GRK4: variants seen among roughly 807,000 people sequenced by gnomAD.
The protein encoded by GRK4 is G protein-coupled receptor kinase 4, also known as G protein-coupled receptor kinase 2-like.
In GRK4, 73 loss-of-function variants were observed where a neutral mutation model predicts 77.9. The observed-to-expected ratio is 0.94, with a 90% confidence interval of 0.78 to 1.14. GRK4 has a LOEUF of 1.14. Ranked by LOEUF, GRK4 falls within the 50% of genes most tolerant of loss-of-function variation. The pLI is 0.00. For synonymous variants in GRK4, 257 were observed against 254.4 expected (o/e 1.01, Z -0.10); for missense variants, 729 against 700.2 (o/e 1.04, Z -0.46).
intron 1 of GRK4, among the ~76,000 whole-genome samples, chr4:2,976,392 T>A (rs1721184164): frequency 7.6e-6 from 1 of 131,434 alleles, no homozygotes; most frequent in African/African-American, 3.0e-5. Context: ...CCACCATGCC[T>A]GAGTAATTTT....
chr4:3,039,887 C>T (rs887693049), intron 15 of GRK4, among the ~76,000 whole-genome samples: 31 of 152,134 alleles, frequency 2.0e-4, no homozygotes, highest in African/African-American at 7.2e-4. Context: ...GGCCCCGGTC[C>T]CAGTGTCCAC....
chr4:3,017,321 C>T (rs948799724), intron 8 of GRK4, among the ~76,000 whole-genome samples: 1 of 152,150 alleles, frequency 6.6e-6, no homozygotes, highest in African/African-American at 2.4e-5. Flanking sequence ...GTCTGTGAGT[C>T]GCCCATCACT....
intron 10 of GRK4, among the ~76,000 whole-genome samples, chr4:3,025,752 C>A (rs375379722): frequency 3.3e-5 from 5 of 152,106 alleles, no homozygotes; most frequent in African/African-American, 1.2e-4. Flanking sequence ...AAAGATAACA[C>A]CGCAAAATAG....
At chr4:2,994,014 T>C (rs1002414053) in intron 4 of GRK4, among the ~76,000 whole-genome samples, 2 of 152,132 alleles carry the variant, frequency 1.3e-5, no homozygotes, top group African/African-American at 4.8e-5. Context: ...AGCAGGACCA[T>C]CTAGCAGCAC....
rs183663546 is a variant in GRK4, at chr4:2,969,480, G to A, written c.52+5358G>A. Reference sequence around the variant, plus strand: ...CAACCTCCGCCTCCTGGGTTCAAGCGATTCTCCTGCCTCAGCCTCCCAAGT... The same window carrying A: ...CAACCTCCGCCTCCTGGGTTCAAGCAATTCTCCTGCCTCAGCCTCCCAAGT... On this transcript the variant is annotated intron_variant, in intron 1 of 15. Coordinates refer to ENST00000398052, the MANE Select transcript of GRK4 (RefSeq NM_182982.3). Among the ~76,000 whole-genome samples, 853 of 151,256 alleles carry A rather than the reference G, an allele frequency of 5.6e-3. 4 individuals carry two copies. Among genetic ancestry groups the A allele is most frequent in the African/African-American group, 0.02 (805 of 41,214 alleles).
At chr4:3,004,177 C>T (rs929749855) in intron 4 of GRK4, 54 bp from the exon 5 acceptor site, 1 of 1,242,564 alleles carries the variant, frequency 8.0e-7, no homozygotes, top group Non-Finnish European at 1.2e-6. Context: ...GTTCTGTTCA[C>T]TAGTAAGTTA....
At position 3,003,364 on chromosome 4, in the gene GRK4, A is replaced by AT. The variant is rs551307853; in HGVS notation, c.340-861dup. 3.5e-3 allele frequency among the ~76,000 whole-genome samples: 526 copies of AT among 151,640 alleles called. 5 individuals carry two copies. The highest frequency in any genetic ancestry group is 9.2e-3 in the African/African-American group (379 of 41,336). On this transcript the variant is annotated intron_variant, in intron 4 of 15. Coordinates refer to ENST00000398052, the MANE Select transcript of GRK4 (RefSeq NM_182982.3). ...GCCACCACGCCTGGCTAATTTTTGT[A>AT]TTTTTTAGTAAAGACAGGGTTTCAC...
At chr4:3,038,640 T>C in intron 15 of GRK4, 127 bp downstream of exon 15, 2 of 996,000 alleles carry the variant, frequency 2.0e-6, no homozygotes, top group South Asian at 1.7e-5. Context: ...TTATACAGTC[T>C]GAGAGCCACA....
At chr4:3,020,257 C>T (rs945465106) in intron 9 of GRK4, among the ~76,000 whole-genome samples, 1 of 152,192 alleles carries the variant, frequency 6.6e-6, no homozygotes, top group Non-Finnish European at 1.5e-5. Flanking sequence ...CCACGGGCCT[C>T]AGCCTCCAAA....
intron 15 of GRK4, 64 bp from the exon 16 acceptor site, chr4:3,040,508 G>T: frequency 7.3e-7 from 1 of 1,367,782 alleles, no homozygotes; most frequent in Non-Finnish European, 1.0e-6. Context: ...ATGGTTGTCT[G>T]CACTTAAGGA....
At chr4:2,982,352 A>C (rs1723106940) in intron 1 of GRK4, among the ~76,000 whole-genome samples, 1 of 152,276 alleles carries the variant, frequency 6.6e-6, no homozygotes, top group Admixed American at 6.5e-5. Context: ...TGTCAGGCTT[A>C]GGAAAGGAAG....
chr4:3,039,838 G>A (rs1252646499), intron 15 of GRK4, among the ~76,000 whole-genome samples: 1 of 152,072 alleles, frequency 6.6e-6, no homozygotes, highest in Admixed American at 6.6e-5. Flanking sequence ...GACCCTCAGT[G>A]TGTAGCCAGC....
At chr4:3,013,069 A>T (rs993188571) in intron 7 of GRK4, among the ~76,000 whole-genome samples, 1 of 151,272 alleles carries the variant, frequency 6.6e-6, no homozygotes, top group Non-Finnish European at 1.5e-5. Flanking sequence ...CTTGAGACGG[A>T]GTCTCACTCT....
intron 1 of GRK4, among the ~76,000 whole-genome samples, chr4:2,979,465 C>T (rs1225180434): frequency 1.3e-5 from 2 of 150,788 alleles, no homozygotes; most frequent in African/African-American, 4.9e-5. Flanking sequence ...GTAATCCCAG[C>T]ACTTTGGGGA....
chr4:2,992,009 A>G (rs1726334694), intron 3 of GRK4, among the ~76,000 whole-genome samples: 3 of 152,010 alleles, frequency 2.0e-5, no homozygotes, highest in Non-Finnish European at 4.4e-5. Context: ...AATAATTTGA[A>G]ACATAATGAA....
chr4:2,967,638 A>C (rs1718124255), intron 1 of GRK4, among the ~76,000 whole-genome samples: 1 of 152,120 alleles, frequency 6.6e-6, no homozygotes, highest in African/African-American at 2.4e-5. Context: ...ACCTCAAGTG[A>C]TTCGCCCACC....
At position 2,984,613 on chromosome 4, in the gene GRK4, G is replaced by A. The variant is rs747853637; in HGVS notation, c.148+5G>A. On this transcript the variant is annotated splice_donor_5th_base_variant and intron_variant, in intron 2 of 15. Transcript: ENST00000398052. ...GTGAGCTTAGACATTCCATTGGTGA[G>A]TAAATAGTGCCTACTAATGCTTGGA... 1.3e-6 allele frequency: 2 copies of A among 1,529,920 alleles called. No homozygotes were observed. Among genetic ancestry groups the A allele is most frequent in the Non-Finnish European group, 9.0e-7 (1 of 1,109,164 alleles). 94.8% of individuals were successfully genotyped at this position (1,529,920 alleles called of 1,614,324 possible).
rs766075113 is a variant in GRK4, at chr4:2,992,258, G to A, written c.305G>A (p.Gly102Glu). The change falls in exon 4 of 16, where the codon GGA (glycine) becomes GAA (glutamate). Residue 102 changes from glycine (G) to glutamate (E), a missense_variant. Transcript: ENST00000398052. The stretch of plus-strand genomic sequence containing the variant: ...GATGATGAGGACCGAAGTGATTGTG[G>A]ACTGTCAATCTTAGATAGATTCTTC... ...VADDEDRSDC[G>E]LSILDRFFND... The A allele has an allele frequency of 6.2e-7, 1 of 1,608,596 alleles. No individual in the cohort carries two copies. Among genetic ancestry groups the A allele is most frequent in the South Asian group, 1.1e-5 (1 of 90,994 alleles).
chr4:2,977,080 T>A (rs1392239092), intron 1 of GRK4, among the ~76,000 whole-genome samples: 1 of 152,240 alleles, frequency 6.6e-6, no homozygotes, highest in Non-Finnish European at 1.5e-5. Flanking sequence ...TCAAAGCCTT[T>A]TCCAGTCTTA....
Sources: gnomAD v4.1 joint callset for allele counts (sites outside exome capture counted in the v4.1 genomes callset) on GRCh38, gnomAD v4.1.1 for gene constraint, MANE v1.5 for transcripts, NCBI Gene and HGNC (gene_info 2026-07-23, HGNC 2026-07-21) for gene names.